Variants in POLR3E observed in about 807,000 individuals in gnomAD.
POLR3E encodes the protein DNA-directed RNA polymerase III subunit RPC5.
Under a neutral mutation model 96.6 loss-of-function variants are expected in POLR3E, and 41 were observed. That is an observed-to-expected ratio of 0.42 (90% CI 0.33 to 0.55). The LOEUF is 0.55. POLR3E is among the 20% of genes least tolerant of loss of function. The pLI is 0.06. For synonymous variants in POLR3E, 396 were observed against 383.6 expected (o/e 1.03, Z -0.38); for missense variants, 849 against 952.1 (o/e 0.89, Z 1.43).
At chr16:22,319,082 CT>C in intron 13 of POLR3E, 136 bp downstream of exon 13, 1 of 553,762 alleles carries the variant, frequency 1.8e-6, no homozygotes, top group South Asian at 2.3e-5. Flanking sequence ...CCAAGCAACT[CT>C]CCTGCCTCAG....
chr16:22,309,237 T>G, intron 5 of POLR3E, 191 bp from the exon 6 acceptor site: 2 of 691,652 alleles, frequency 2.9e-6, no homozygotes, highest in Non-Finnish European at 5.2e-6. Flanking sequence ...TCCTCGTCTC[T>G]TGGTCTACAA....
intron 17 of POLR3E, 93 bp from the exon 18 acceptor site, chr16:22,325,668 C>T (rs970377141): frequency 4.5e-5 from 63 of 1,400,770 alleles, no homozygotes; most frequent in Non-Finnish European, 5.3e-5. Context: ...GAGACCAGGA[C>T]GGGACCACTT....
chr16:22,313,836 C>G lies in POLR3E; in HGVS notation c.472+109C>G, dbSNP rs555341897. On this transcript the variant is annotated intron_variant, in intron 7 of 20. Coordinates refer to ENST00000299853, the MANE Select transcript of POLR3E (RefSeq NM_018119.4). The surrounding 1 kb of genome is among the most constrained non-coding windows in gnomAD (Gnocchi z 4.1). Reference sequence around the variant, plus strand: ...TAGGATGTTTAGCAGGATCCCTGGCCTCTACCTACTAGATGCCAGAAGCAC... The same window carrying G: ...TAGGATGTTTAGCAGGATCCCTGGCGTCTACCTACTAGATGCCAGAAGCAC... 1.3e-6 allele frequency: 1 copy of G among 771,250 alleles called. No individual in the cohort carries two copies. The highest frequency in any genetic ancestry group is 2.2e-5 in the Admixed American group (1 of 45,546). The allele number at this position is 771,250 out of a possible 1,614,324, so 47.8% of individuals were successfully genotyped here.
chr16:22,333,817 G>A lies in POLR3E; in HGVS notation c.*117G>A, dbSNP rs1460998145. On this transcript the variant is annotated 3_prime_UTR_variant, in exon 21 of 21. Coordinates refer to ENST00000299853, the MANE Select transcript of POLR3E (RefSeq NM_018119.4). ...GAGCAAGAGGAACTGACCATCTCAT[G>A]ACCTGTGGCATTGCACGGTGCAGTG... is the stretch of plus-strand genomic sequence containing the variant. The A allele has an allele frequency of 1.4e-6, 1 of 735,980 alleles. No individual in the cohort carries two copies. The highest frequency in any genetic ancestry group is 2.5e-6 in the Non-Finnish European group (1 of 405,006). The allele number at this position is 735,980 out of a possible 1,614,324, so 45.6% of individuals were successfully genotyped here. A position where few individuals can be genotyped will look rare whatever the true frequency, so the allele number is the denominator to read the frequency against.
chr16:22,298,967 G>T, intron 1 of POLR3E: 1 of 455,966 alleles, frequency 2.2e-6, no homozygotes, highest in Non-Finnish European at 4.4e-6. Flanking sequence ...GGAAACTGAA[G>T]CACTGAGAAG....
chr16:22,332,131 G>A lies in POLR3E; in HGVS notation c.2016G>A (p.Leu672=), dbSNP rs1274471991. The part of the protein sequence containing the change: ...RVRRNMIQSR[L]TQECGEDLSK... ...GCCGAAACATGATCCAGTCTCGGTT[G>A]ACTCAAGAGTGTGGAGAAGATCTCA... Residue 672 remains leucine, a synonymous_variant, in exon 20 of 21, where the codon TTG becomes TTA. Coordinates refer to ENST00000299853, the MANE Select transcript of POLR3E (RefSeq NM_018119.4). 1.2e-6 allele frequency: 2 copies of A among 1,613,554 alleles called. No homozygotes were observed. Among genetic ancestry groups the A allele is most frequent in the Non-Finnish European group, 1.7e-6 (2 of 1,179,580 alleles).
rs375146644 is a variant in POLR3E, at chr16:22,326,072, G to A, written c.1660G>A (p.Ala554Thr). The A allele has an allele frequency of 3.7e-6, 6 of 1,612,128 alleles. No homozygotes were observed. Among genetic ancestry groups the A allele is most frequent in the African/African-American group, 2.7e-5 (2 of 74,876 alleles). ...SFNGHPPQGCASTPVARELKA... is the reference protein window; with the variant it reads ...SFNGHPPQGCTSTPVARELKA... Reference sequence around the variant, plus strand: ...CAACGGGCACCCGCCCCAGGGCTGCGCCAGCACCCCTGTGGCTCGGGAACT... The same window carrying A: ...CAACGGGCACCCGCCCCAGGGCTGCACCAGCACCCCTGTGGCTCGGGAACT... Residue 554 changes from alanine to threonine, a missense_variant, in exon 18 of 21, where the codon GCC becomes ACC. Coordinates refer to ENST00000299853, the MANE Select transcript of POLR3E (RefSeq NM_018119.4).
In POLR3E at chr16:22,317,125, G is replaced by A. The variant is rs771589432; in HGVS notation, c.784G>A (p.Val262Met). 6.2e-7 allele frequency: 1 copy of A among 1,614,178 alleles called. No individual in the cohort carries two copies. The highest frequency in any genetic ancestry group is 8.5e-7 in the Non-Finnish European group (1 of 1,180,010). The change falls in exon 12 of 21, where the codon GTG (valine) becomes ATG (methionine). Residue 262 changes from valine (V) to methionine (M), a missense_variant. Transcript: ENST00000299853. ...CTCTGCTTTTCCCAGAGACAAGCCT[G>A]TGGCCCCCAGCAACGTCCTGTCGAT... ...PSQEEEKDKPVAPSNVLSMAQ... is the reference protein window; with the variant it reads ...PSQEEEKDKPMAPSNVLSMAQ...
chr16:22,328,291 C>T, intron 18 of POLR3E: 1 of 561,210 alleles, frequency 1.8e-6, no homozygotes, highest in South Asian at 2.2e-5. Context: ...TCGCTGAAGC[C>T]CTGTCAGGCC....
intron 4 of POLR3E, chr16:22,308,474 G>C (rs2048179285): frequency 1.9e-6 from 1 of 534,984 alleles, no homozygotes; most frequent in African/African-American, 1.9e-5. Context: ...CCCAGGATAA[G>C]ACGAGGGCGG....
At chr16:22,314,907 C>T (rs189974318) in intron 8 of POLR3E, 182 bp from the exon 9 acceptor site, 10 of 565,988 alleles carry the variant, frequency 1.8e-5, no homozygotes, top group Admixed American at 1.3e-4. Flanking sequence ...CGTTCCCTGG[C>T]GTGTGCAGGC....
Position 22,328,567 on chromosome 16 carries a change from T to G in POLR3E, c.1924T>G (p.Ser642Ala). The change falls in exon 19 of 21, where the codon TCT becomes GCT. Residue 642 changes from serine (S) to alanine (A), a missense_variant. Coordinates refer to ENST00000299853, the MANE Select transcript of POLR3E (RefSeq NM_018119.4). ...GCAGAAGGTGTTTGCCCTCTGGGAGTCTGGAGACATGAGTGATCAGGTGAG... is the reference window on the plus strand; with the variant it reads ...GCAGAAGGTGTTTGCCCTCTGGGAGGCTGGAGACATGAGTGATCAGGTGAG... ...DEQKVFALWE[S>A]GDMSDQHRQV... 1 of 1,613,648 alleles carries G rather than the reference T, an allele frequency of 6.2e-7. No homozygotes were observed. Among genetic ancestry groups the G allele is most frequent in the East Asian group, 2.2e-5 (1 of 44,848 alleles).
At chr16:22,297,919 G>A (rs1382802783) in intron 1 of POLR3E, among the ~76,000 whole-genome samples, 1 of 152,264 alleles carries the variant, frequency 6.6e-6, no homozygotes, top group Non-Finnish European at 1.5e-5. Context: ...GACCACCCGC[G>A]AGGGAGCAGA....
At position 22,322,686 on chromosome 16, in the gene POLR3E, C is replaced by A. The variant is rs372796932; in HGVS notation, c.987-164C>A. Among the ~76,000 whole-genome samples, 2 of 151,922 alleles carry A rather than the reference C, an allele frequency of 1.3e-5. No individual in the cohort carries two copies. Among genetic ancestry groups the A allele is most frequent in the Admixed American group, 6.6e-5 (1 of 15,258 alleles). The stretch of plus-strand genomic sequence containing the variant: ...GTGGGGTAGAGGGGTGCTTCTTTCC[C>A]ATGTCTGTGTTCACAGATGTGGCTC... On this transcript the variant is annotated intron_variant, in intron 13 of 20. Transcript: ENST00000299853. The surrounding 1 kb of genome is among the most constrained non-coding windows in gnomAD (Gnocchi z 5.2).
rs2048299264 is a variant in POLR3E at position 22,313,874 on chromosome 16, C to T, written c.472+147C>T. On this transcript the variant is annotated intron_variant, in intron 7 of 20. Transcript: ENST00000299853. The surrounding 1 kb of genome is among the most constrained non-coding windows in gnomAD (Gnocchi z 4.1). Reference sequence around the variant, plus strand: ...ATGCCAGAAGCACCCACCCCACAGTCGTGACAATCAAAAAGGTCACATTGC... The same window carrying T: ...ATGCCAGAAGCACCCACCCCACAGTTGTGACAATCAAAAAGGTCACATTGC... The T allele has an allele frequency of 4.3e-6, 3 of 700,730 alleles. No homozygotes were observed. The highest frequency in any genetic ancestry group is 2.3e-5 in the Admixed American group (1 of 43,178). 43.4% of individuals were successfully genotyped at this position (700,730 alleles called of 1,614,324 possible).
At chr16:22,315,265 G>A (rs567888144) in intron 9 of POLR3E, 57 bp downstream of exon 9, 1 of 1,527,814 alleles carries the variant, frequency 6.5e-7, no homozygotes, top group East Asian at 2.5e-5. Context: ...GAAGGGTCAT[G>A]GTGTGGCCTC....
At chr16:22,331,959 A>T in intron 19 of POLR3E, 101 bp from the exon 20 acceptor site, 1 of 1,194,750 alleles carries the variant, frequency 8.4e-7, no homozygotes, top group Admixed American at 2.0e-5. Context: ...TTTATCAGAG[A>T]CTGCAACACA....
chr16:22,316,916 A>G (rs576130329), intron 10 of POLR3E, 79 bp from the exon 11 acceptor site: 17 of 1,493,200 alleles, frequency 1.1e-5, no homozygotes, highest in Admixed American at 1.7e-5. Flanking sequence ...CCCTCTCCCC[A>G]GACCCTCACT....
At position 22,326,093 on chromosome 16, in the gene POLR3E, G is replaced by A. The variant is rs1289043237; in HGVS notation, c.1681G>A (p.Glu561Lys). ...CTGCGCCAGCACCCCTGTGGCTCGG[G>A]AACTGAAGGCCTTCGTGGAGGCCAC... is the stretch of plus-strand genomic sequence containing the variant. ...QGCASTPVARELKAFVEATFQ... is the reference protein window; with the variant it reads ...QGCASTPVARKLKAFVEATFQ... Residue 561 changes from glutamate (E) to lysine (K), a missense_variant, in exon 18 of 21, where the codon GAA becomes AAA. Physicochemically the swap from Glu to Lys is moderately conservative, Grantham distance 56. Coordinates refer to ENST00000299853, the MANE Select transcript of POLR3E (RefSeq NM_018119.4). The A allele has an allele frequency of 2.5e-6, 4 of 1,613,460 alleles. No homozygotes were observed. Among genetic ancestry groups the A allele is most frequent in the Non-Finnish European group, 3.4e-6 (4 of 1,179,822 alleles).
Sources: gnomAD v4.1 joint callset for allele counts (sites outside exome capture counted in the v4.1 genomes callset) on GRCh38, gnomAD v4.1.1 for gene constraint, Gnocchi (gnomAD v3.1) non-coding constraint, MANE v1.5 for transcripts, NCBI Gene and HGNC (gene_info 2026-07-23, HGNC 2026-07-21) for gene names.